The following ELOVL4 variants were observed in gnomAD, a reference collection of about 807,000 sequenced individuals.
The protein encoded by ELOVL4 is very long chain fatty acid elongase 4.
Under a neutral mutation model 42.1 loss-of-function variants are expected in ELOVL4, and 18 were observed. The ratio of observed to expected loss-of-function variants is 0.43; its 90% CI spans 0.30 to 0.63. ELOVL4 has a LOEUF of 0.63. Among genes scored for constraint, ELOVL4 ranks in the 30% least tolerant of loss-of-function variants. The probability of loss-of-function intolerance (pLI) is 0.15; values close to 1 mark genes in which losing one functional copy is unlikely to be tolerated. For missense variants in ELOVL4, 299 were observed against 376.2 expected, an observed-to-expected ratio of 0.79 and a Z score of 1.70; for synonymous variants, 117 against 127.0, an observed-to-expected ratio of 0.92 and a Z score of 0.53.
At chr6:79,936,858 T>C (rs1774552326) in intron 1 of ELOVL4, among the ~76,000 whole-genome samples, 1 of 152,130 alleles carries the variant, frequency 6.6e-6, no homozygotes, top group Admixed American at 6.5e-5. Context: ...AACAAACAGA[T>C]CCTGAAGGTG....
At position 79,947,226 on chromosome 6, in the gene ELOVL4, T is replaced by A; in HGVS notation, c.54A>T (p.Ala18=). 1 of 1,613,088 alleles carries A rather than the reference T, an allele frequency of 6.2e-7. No homozygotes were observed. Among genetic ancestry groups the A allele is most frequent in the South Asian group, 1.1e-5 (1 of 90,980 alleles). Residue 18 remains alanine, a synonymous_variant, in exon 1 of 6, where the codon GCA becomes GCT. Transcript: ENST00000369816. ...GGTAGAACTCTACCGTGTCGTTGAG[T>A]GCCGTGGACACTACGTTTAGGACAC... is the stretch of plus-strand genomic sequence containing the variant. The part of the protein sequence containing the change: ...PGSVLNVVST[A]LNDTVEFYRW...
At chr6:79,935,152 A>G (rs1774522511) in intron 1 of ELOVL4, among the ~76,000 whole-genome samples, 1 of 152,292 alleles carries the variant, frequency 6.6e-6, no homozygotes, top group South Asian at 2.1e-4. Flanking sequence ...TAACCCAGGT[A>G]ACTTCTACTT....
chr6:79,921,939 G>T, intron 3 of ELOVL4, 143 bp from the exon 4 acceptor site: 3 of 786,176 alleles, frequency 3.8e-6, no homozygotes, highest in Non-Finnish European at 6.2e-6. Flanking sequence ...AAGTAGGTTT[G>T]AAAAACCTAA....
intron 1 of ELOVL4, among the ~76,000 whole-genome samples, chr6:79,941,794 G>C (rs1774649602): frequency 6.6e-6 from 1 of 152,224 alleles, no homozygotes; most frequent in South Asian, 2.1e-4. Flanking sequence ...AATTATGCTA[G>C]ATTAAGAGGG....
intron 5 of ELOVL4, 132 bp from the exon 6 acceptor site, chr6:79,917,015 C>T: frequency 1.1e-6 from 1 of 924,458 alleles, no homozygotes; most frequent in Non-Finnish European, 1.7e-6. Context: ...TGTTTTCTGG[C>T]TCCCATGGCT....
At chr6:79,928,699 C>A (rs1229253345) in intron 1 of ELOVL4, among the ~76,000 whole-genome samples, 2 of 147,642 alleles carry the variant, frequency 1.4e-5, no homozygotes, top group Non-Finnish European at 3.0e-5. Flanking sequence ...GCACACAAGA[C>A]CCTACCAGTA....
chr6:79,947,430 C>G lies in ELOVL4; in HGVS notation c.-151G>C. On this transcript the variant is annotated 5_prime_UTR_variant, in exon 1 of 6. Coordinates refer to ENST00000369816, the MANE Select transcript of ELOVL4 (RefSeq NM_022726.4). The stretch of plus-strand genomic sequence containing the variant: ...CTGCGTCTTCTCCTGCTCCTCAAGG[C>G]GCCGCGGCGGCGGGGATGCGGCAGA... 1 of 663,912 alleles carries G rather than the reference C, an allele frequency of 1.5e-6. No homozygotes were observed. The highest frequency in any genetic ancestry group is 2.7e-6 in the Non-Finnish European group (1 of 374,456). The allele number at this position is 663,912 out of a possible 1,614,324, so 41.1% of individuals were successfully genotyped here. A position where few individuals can be genotyped will look rare whatever the true frequency, so the allele number is the denominator to read the frequency against.
In ELOVL4 at chr6:79,947,316, G is replaced by T; in HGVS notation, c.-37C>A. On this transcript the variant is annotated 5_prime_UTR_variant, in exon 1 of 6. Coordinates refer to ENST00000369816, the MANE Select transcript of ELOVL4 (RefSeq NM_022726.4). ...GCGGGCGCTGGCGGCAGGAGAAAGC[G>T]GAGACCCAGAGAGAGGGCTGACCCC... is the stretch of plus-strand genomic sequence containing the variant. 1 of 1,545,188 alleles carries T rather than the reference G, an allele frequency of 6.5e-7. No individual in the cohort carries two copies. Among genetic ancestry groups the T allele is most frequent in the Non-Finnish European group, 8.9e-7 (1 of 1,125,816 alleles).
intron 1 of ELOVL4, among the ~76,000 whole-genome samples, chr6:79,934,046 T>C (rs1774501989): frequency 6.6e-6 from 1 of 152,174 alleles, no homozygotes; most frequent in Non-Finnish European, 1.5e-5. Context: ...AGGTGAATGT[T>C]GAACATCTCG....
At chr6:79,923,117 TAAC>T (rs1043432041) in intron 3 of ELOVL4, among the ~76,000 whole-genome samples, 3 of 152,228 alleles carry the variant, frequency 2.0e-5, no homozygotes, top group South Asian at 2.1e-4. Flanking sequence ...TCACATAAAA[TAAC>T]AACAAATAAG....
intron 1 of ELOVL4, among the ~76,000 whole-genome samples, chr6:79,932,514 A>G (rs1774465138): frequency 6.6e-6 from 1 of 151,686 alleles, no homozygotes; most frequent in Non-Finnish European, 1.5e-5. Flanking sequence ...ACTGCACTCC[A>G]GCCTGGGTGA....
chr6:79,926,649 C>T lies in ELOVL4; in HGVS notation c.101-268G>A, dbSNP rs10223474. Among the ~76,000 whole-genome samples, 1,170 of 152,140 alleles carry T rather than the reference C, an allele frequency of 7.7e-3. 15 individuals are homozygous for T. Among genetic ancestry groups the T allele is most frequent in the African/African-American group, 0.026 (1,063 of 41,496 alleles). ...TACAGAACAAAAACAAGAAATAAAG[C>T]GCACTAAAAACAGAGGTGGTTATCT... is the stretch of plus-strand genomic sequence containing the variant. On this transcript the variant is annotated intron_variant, in intron 1 of 5. Transcript: ENST00000369816.
intron 3 of ELOVL4, among the ~76,000 whole-genome samples, chr6:79,923,870 A>G (rs1774299286): frequency 1.3e-5 from 2 of 152,172 alleles, no homozygotes. Flanking sequence ...TAAAATTGTT[A>G]AGTACATTAA....
In ELOVL4 at chr6:79,924,959, T is replaced by G. The variant is rs372443315; in HGVS notation, c.362A>C (p.Glu121Ala). 1.9e-6 allele frequency: 3 copies of G among 1,598,276 alleles called. No homozygotes were observed. The highest frequency in any genetic ancestry group is 2.6e-6 in the Non-Finnish European group (3 of 1,165,782). ...TATTTTTAATGTACTTACCCTGACTTCATGAACATTATTAGAATAATCCAC... is the reference window on the plus strand; with the variant it reads ...TATTTTTAATGTACTTACCCTGACTGCATGAACATTATTAGAATAATCCAC... ...QSVDYSNNVH[E>A]VRIAAALWWY... Residue 121 changes from glutamate (E) to alanine (A), a missense_variant, in exon 3 of 6, where the codon GAA (glutamate) becomes GCA (alanine). Physicochemically the swap from Glu to Ala is moderately radical, Grantham distance 107 (BLOSUM62 -1). Coordinates refer to ENST00000369816, the MANE Select transcript of ELOVL4 (RefSeq NM_022726.4).
At chr6:79,932,033 C>T (rs1774454397) in intron 1 of ELOVL4, among the ~76,000 whole-genome samples, 1 of 151,944 alleles carries the variant, frequency 6.6e-6, no homozygotes, top group Non-Finnish European at 1.5e-5. Context: ...CCTTGCGGAC[C>T]CTTAAAGAGT....
chr6:79,944,026 T>C (rs1168680518), intron 1 of ELOVL4, among the ~76,000 whole-genome samples: 1 of 152,088 alleles, frequency 6.6e-6, no homozygotes, highest in African/African-American at 2.4e-5. Flanking sequence ...TAGAAACAAA[T>C]GGTCAGAAGA....
intron 1 of ELOVL4, among the ~76,000 whole-genome samples, chr6:79,934,091 C>T (rs982740735): frequency 6.6e-6 from 1 of 152,156 alleles, no homozygotes; most frequent in Admixed American, 6.5e-5. Context: ...TAGGTGGAGG[C>T]GTCCAGTAGC....
chr6:79,929,768 T>C lies in ELOVL4; in HGVS notation c.101-3387A>G, dbSNP rs76673729. On this transcript the variant is annotated intron_variant, in intron 1 of 5. Transcript: ENST00000369816. ...ATTTTAACTGGTCAGGGGACGCATT[T>C]TGCATGACCAGAGCACCTGCACATG... is the stretch of plus-strand genomic sequence containing the variant. Among the ~76,000 whole-genome samples the C allele has an allele frequency of 4.7e-3, 712 of 152,302 alleles. 9 individuals carry two copies. Among genetic ancestry groups the C allele is most frequent in the African/African-American group, 0.016 (677 of 41,560 alleles).
chr6:79,923,085 G>A (rs1774285231), intron 3 of ELOVL4, among the ~76,000 whole-genome samples: 1 of 152,016 alleles, frequency 6.6e-6, no homozygotes, highest in East Asian at 1.9e-4. Flanking sequence ...TCCTCTATCT[G>A]GACCTCTACA....
Sources: gnomAD v4.1 joint callset for allele counts (sites outside exome capture counted in the v4.1 genomes callset) on GRCh38, gnomAD v4.1.1 for gene constraint, MANE v1.5 for transcripts, NCBI Gene and HGNC (gene_info 2026-07-23, HGNC 2026-07-21) for gene names.